The following MYBBP1A variants were observed in gnomAD, a reference collection of about 807,000 sequenced individuals.
MYBBP1A encodes the protein myb-binding protein 1A.
MYBBP1A carries 147 observed loss-of-function variants against 136.3 expected under a neutral mutation model. The observed-to-expected ratio is 1.08, with a 90% CI of 0.94 to 1.24. The LOEUF is 1.24. Ranked by LOEUF, MYBBP1A falls within the 50% of genes most tolerant of loss-of-function variation. The pLI, the probability that MYBBP1A is intolerant of heterozygous loss-of-function variation, is 0.00. For synonymous variants in MYBBP1A, 947 were observed against 735.8 expected (o/e 1.29, Z -4.65); for missense variants, 2,060 against 1,727.4 (o/e 1.19, Z -3.41).
At chr17:4,547,937 C>T in intron 13 of MYBBP1A, 21 bp downstream of exon 13, 1 of 1,456,448 alleles carries the variant, frequency 6.9e-7, no homozygotes. Context: ...CTCACAGCCC[C>T]TCCCTCCCAG....
chr17:4,539,032 A>C lies in MYBBP1A; in HGVS notation c.*383T>G. 3.4e-6 allele frequency: 3 copies of C among 892,614 alleles called. No homozygotes were observed. The highest frequency in any genetic ancestry group is 3.8e-6 in the Non-Finnish European group (2 of 521,476). 55.3% of individuals were successfully genotyped at this position (892,614 alleles called of 1,614,324 possible). On this transcript the variant is annotated 3_prime_UTR_variant, in exon 26 of 26. Coordinates refer to ENST00000254718, the MANE Select transcript of MYBBP1A (RefSeq NM_014520.4). ...TAAATGAAGAAATAAACCTATTTAA[A>C]TCACCCCCTGGTGGCTCCCTCACAG...
In MYBBP1A at chr17:4,548,035, G is replaced by C. The variant is rs199887518; in HGVS notation, c.1747C>G (p.Leu583Val). 2.2e-4 allele frequency: 339 copies of C among 1,560,430 alleles called. No individual in the cohort carries two copies. Among genetic ancestry groups the C allele is most frequent in the Non-Finnish European group, 2.8e-4 (321 of 1,153,130 alleles). ...CTGGCCTCTGCGGAGTGGGCCTCCA[G>C]CTCCTTCAGAGTCTGCAGCATCCTG... ...WDRMLQTLKE[L>V]EAHSAEARAA... Residue 583 changes from leucine (L) to valine (V), a missense_variant, in exon 13 of 26, where the codon CTG becomes GTG. Transcript: ENST00000254718. The surrounding 1 kb of genome is among the most constrained non-coding windows in gnomAD (Gnocchi z 4.2).
intron 19 of MYBBP1A, among the ~76,000 whole-genome samples, chr17:4,543,807 C>CT (rs1906690322): frequency 6.6e-6 from 1 of 152,156 alleles, no homozygotes; most frequent in Admixed American, 6.5e-5. Flanking sequence ...CTCCTGGGCC[C>CT]TCTGCCTCCA....
Position 4,543,089 on chromosome 17 carries a change from G to A in MYBBP1A, c.2716C>T (p.Arg906Trp), listed in dbSNP as rs769348252. 2.2e-5 allele frequency: 36 copies of A among 1,613,026 alleles called. No individual in the cohort carries two copies. The highest frequency in any genetic ancestry group is 9.3e-5 in the African/African-American group (7 of 74,932). ...TGGCGGCCAGCCTGCTGCACCAACC[G>A]CTCCACCTGGGCGTGCAGGGCCCCT... is the stretch of plus-strand genomic sequence containing the variant. Reference protein sequence around the residue: ...RAGALHAQVERLVQQAGRQPD... With the variant: ...RAGALHAQVEWLVQQAGRQPD... The change falls in exon 20 of 26, where the codon CGG becomes TGG. Residue 906 changes from arginine to tryptophan, a missense_variant. Coordinates refer to ENST00000254718, the MANE Select transcript of MYBBP1A (RefSeq NM_014520.4).
In MYBBP1A at chr17:4,539,081, G is replaced by C; in HGVS notation, c.*334C>G. ...AGCAAAAAAGCCTGGGGGCAAAGAG[G>C]TGGCAGGCACGAGAGATGGTCACAC... On this transcript the variant is annotated 3_prime_UTR_variant, in exon 26 of 26. Transcript: ENST00000254718. 1.4e-6 allele frequency: 2 copies of C among 1,416,448 alleles called. No individual in the cohort carries two copies. The highest frequency in any genetic ancestry group is 2.0e-6 in the Non-Finnish European group (2 of 1,013,672). 87.7% of individuals were successfully genotyped at this position (1,416,448 alleles called of 1,614,324 possible). A position where few individuals can be genotyped will look rare whatever the true frequency, so the allele number is the denominator to read the frequency against.
At chr17:4,540,249 G>T in intron 25 of MYBBP1A, 99 bp downstream of exon 25, 1 of 1,431,302 alleles carries the variant, frequency 7.0e-7, no homozygotes, top group Non-Finnish European at 9.4e-7. Context: ...TGTGCAGTGT[G>T]CGTGTGCAGC....
chr17:4,540,629 A>C, intron 24 of MYBBP1A, 145 bp from the exon 25 acceptor site: 1 of 1,044,728 alleles, frequency 9.6e-7, no homozygotes, highest in East Asian at 2.9e-5. Context: ...CTGCCTGTTA[A>C]GTCATCCGTG....
In MYBBP1A at chr17:4,539,812, G is replaced by A. The variant is rs776740818; in HGVS notation, c.3590C>T (p.Pro1197Leu). 6.2e-7 allele frequency: 1 copy of A among 1,611,852 alleles called. No homozygotes were observed. The highest frequency in any genetic ancestry group is 8.5e-7 in the Non-Finnish European group (1 of 1,180,012). The change falls in exon 26 of 26, where the codon CCT becomes CTT. Residue 1197 changes from proline (P) to leucine (L), a missense_variant. Pro to Leu is a moderately conservative substitution (Grantham distance 98). Transcript: ENST00000254718. ...EDGTPAEDGTPAATGGSQPPS... is the reference protein window; with the variant it reads ...EDGTPAEDGTLAATGGSQPPS... Reference sequence around the variant, plus strand: ...GGGCTGGCTCCCGCCGGTGGCTGCAGGTGTGCCATCCTCCGCTGGCGTGCC... The same window carrying A: ...GGGCTGGCTCCCGCCGGTGGCTGCAAGTGTGCCATCCTCCGCTGGCGTGCC...
intron 9 of MYBBP1A, among the ~76,000 whole-genome samples, chr17:4,549,772 A>T (rs1907336121): frequency 8.3e-6 from 1 of 120,972 alleles, no homozygotes; most frequent in Non-Finnish European, 1.6e-5. Flanking sequence ...GGCCACAGAG[A>T]GTGAGACTCT....
chr17:4,540,134 GGGT>G (rs1906239324), intron 25 of MYBBP1A, among the ~76,000 whole-genome samples, 167 bp from the exon 26 acceptor site: 1 of 148,190 alleles, frequency 6.7e-6, no homozygotes, highest in African/African-American at 2.6e-5. Flanking sequence ...CGAGGCCCCT[GGGT>G]CCTGCGAGGG....
intron 2 of MYBBP1A, 71 bp downstream of exon 2, chr17:4,554,790 C>T (rs1191655032): frequency 1.4e-6 from 2 of 1,466,532 alleles, no homozygotes; most frequent in Middle Eastern, 1.7e-4. Flanking sequence ...GCTGAGACAC[C>T]ACACCCGCCC....
chr17:4,543,187 G>C (rs1906634183), intron 19 of MYBBP1A, 22 bp from the exon 20 acceptor site: 1 of 1,587,096 alleles, frequency 6.3e-7, no homozygotes, highest in Non-Finnish European at 8.6e-7. Context: ...GAGGACGAGA[G>C]CTGGTCAGAA....
intron 24 of MYBBP1A, among the ~76,000 whole-genome samples, 196 bp from the exon 25 acceptor site, chr17:4,540,680 TCTC>T (rs35287523): frequency 0.16 from 24,745 of 151,570 alleles, 2,746 homozygotes; most frequent in East Asian, 0.53. Context: ...AGGTGTTGGT[TCTC>T]CTCCTTCCCA....
Position 4,543,017 on chromosome 17 carries a change from G to A in MYBBP1A, c.2788C>T (p.Leu930=), listed in dbSNP as rs1906608002. Residue 930 remains leucine (L), a synonymous_variant, in exon 20 of 26, where the codon CTG becomes TTG. Transcript: ENST00000254718. ...ALYHFNASLY[L]LRVLKGNTAE... ...GTGTTGCCCTTCAAGACCCGGAGCAGGTAGAGAGAGGCGTTGAAGTGGTAG... is the reference window on the plus strand; with the variant it reads ...GTGTTGCCCTTCAAGACCCGGAGCAAGTAGAGAGAGGCGTTGAAGTGGTAG... 2 of 1,613,948 alleles carry A rather than the reference G, an allele frequency of 1.2e-6. No individual in the cohort carries two copies. Among genetic ancestry groups the A allele is most frequent in the African/African-American group, 1.3e-5 (1 of 75,072 alleles).
At position 4,543,141 on chromosome 17, in the gene MYBBP1A, G is replaced by A. The variant is rs1906626707; in HGVS notation, c.2664C>T (p.Arg888=). The A allele has an allele frequency of 2.5e-6, 4 of 1,609,790 alleles. No homozygotes were observed. The highest frequency in any genetic ancestry group is 3.4e-6 in the Non-Finnish European group (4 of 1,178,328). The part of the protein sequence containing the change: ...IFTHHLCRAR[R]YCHDLGERAG... ...CGCGCTCACCCAAGTCGTGGCAGTA[G>A]CGCCGGGCACGGCACAGGTGGTGCC... Residue 888 remains arginine, a synonymous_variant, in exon 20 of 26, where the codon CGC becomes CGT. Coordinates refer to ENST00000254718, the MANE Select transcript of MYBBP1A (RefSeq NM_014520.4).
Position 4,554,223 on chromosome 17 carries a change from T to G in MYBBP1A, c.350A>C (p.Glu117Ala). 1 of 1,614,046 alleles carries G rather than the reference T, an allele frequency of 6.2e-7. No individual in the cohort carries two copies. Among genetic ancestry groups the G allele is most frequent in the South Asian group, 1.1e-5 (1 of 91,088 alleles). Residue 117 changes from glutamate to alanine, a missense_variant, in exon 3 of 26, where the codon GAA becomes GCA. Physicochemically the swap from Glu to Ala is moderately radical, Grantham distance 107 (BLOSUM62 -1). Coordinates refer to ENST00000254718, the MANE Select transcript of MYBBP1A (RefSeq NM_014520.4). ...CTTCACCTGATGCAGGTCATATTTT[T>G]CTTGTATCTGCTGCAGGATGCTGCA... is the stretch of plus-strand genomic sequence containing the variant. ...PLCSILQQIQ[E>A]KYDLHQVKKA... is the part of the protein sequence containing the mutation.
intron 19 of MYBBP1A, 41 bp downstream of exon 19, chr17:4,544,448 G>A (rs74680401): frequency 2.0e-5 from 31 of 1,540,266 alleles, no homozygotes; most frequent in South Asian, 1.4e-4. Context: ...GCGCCTGGGG[G>A]CTGCCGGCCA....
rs117101092 is a variant in MYBBP1A at position 4,551,093 on chromosome 17, C to T, written c.1024-740G>A. ...AAATTCTGGGTTCAAGGGATCCTCC[C>T]ACCTCAGCCTCCCGAGTAACTGGGA... On this transcript the variant is annotated intron_variant, in intron 8 of 25. Coordinates refer to ENST00000254718, the MANE Select transcript of MYBBP1A (RefSeq NM_014520.4). Among the ~76,000 whole-genome samples, 251 of 152,356 alleles carry T rather than the reference C, an allele frequency of 1.6e-3. 2 individuals are homozygous for T. The East Asian group carries it at 0.026, about 16-fold the overall frequency.
At chr17:4,544,708 G>GGGAGGCGGGGGTGGGCA (rs2144449176) in intron 18 of MYBBP1A, 43 bp downstream of exon 18, 1 of 830,190 alleles carries the variant, frequency 1.2e-6, no homozygotes, top group African/African-American at 1.6e-5. Flanking sequence ...GGGGGTGGGC[G>GGGAGGCGGGGGTGGGCA]CACAGGGAGG....
Sources: allele counts gnomAD v4.1 joint callset (sites outside exome capture counted in the v4.1 genomes callset), GRCh38; gene constraint gnomAD v4.1.1; non-coding constraint Gnocchi (gnomAD v3.1); transcripts MANE v1.5; gene names NCBI Gene and HGNC (gene_info 2026-07-23, HGNC 2026-07-21).